Variants in CWH43 observed in about 807,000 individuals in gnomAD.
CWH43 encodes cell wall biogenesis 43 C-terminal homolog, also known as PGAP2-interacting protein.
Under a neutral mutation model 85.7 loss-of-function variants are expected in CWH43, and 91 were observed. The observed-to-expected ratio is 1.06, with a 90% CI of 0.90 to 1.26. The LOEUF is 1.26. Among genes scored for constraint, CWH43 ranks in the 50% most tolerant of loss-of-function variants. The pLI, the probability that CWH43 is intolerant of heterozygous loss-of-function variation, is 0.00. For missense variants in CWH43, 869 were observed against 839.2 expected (o/e 1.04, Z -0.44); for synonymous variants, 323 against 293.6 (o/e 1.10, Z -1.02).
chr4:49,043,965 A>C (rs1382462073), intron 13 of CWH43, among the ~76,000 whole-genome samples: 4 of 152,112 alleles, frequency 2.6e-5, no homozygotes, highest in Admixed American at 6.6e-5. Context: ...AAAATGAAGA[A>C]TTATATAATA....
chr4:49,001,812 G>A (rs560636984), intron 6 of CWH43, among the ~76,000 whole-genome samples: 4 of 152,024 alleles, frequency 2.6e-5, no homozygotes, highest in African/African-American at 7.2e-5. Context: ...TTATTCTAAC[G>A]TCTTTAGATT....
intron 15 of CWH43, among the ~76,000 whole-genome samples, chr4:49,052,457 G>C (rs956028585): frequency 2.0e-5 from 3 of 152,196 alleles, no homozygotes; most frequent in Admixed American, 2.0e-4. Flanking sequence ...TTTAACAGTA[G>C]CTGCAATAGC....
chr4:49,037,323 C>T (rs1038147247), intron 12 of CWH43, among the ~76,000 whole-genome samples: 3 of 152,176 alleles, frequency 2.0e-5, no homozygotes, highest in African/African-American at 7.2e-5. Context: ...GTAATCCCAG[C>T]ACTTTGGGAA....
intron 8 of CWH43, 52 bp downstream of exon 8, chr4:49,007,378 C>T (rs773997932): frequency 1.0e-5 from 15 of 1,452,156 alleles, no homozygotes; most frequent in African/African-American, 5.8e-5. Context: ...AAATTCTAAA[C>T]GTATGAAATT....
intron 2 of CWH43, among the ~76,000 whole-genome samples, chr4:48,990,203 T>G (rs1782616480): frequency 6.6e-6 from 1 of 152,184 alleles, no homozygotes. Flanking sequence ...TTTTGATGCT[T>G]CCTATTCCCT....
At chr4:49,059,568 T>G (rs2109853503) in intron 15 of CWH43, among the ~76,000 whole-genome samples, 1 of 152,350 alleles carries the variant, frequency 6.6e-6, no homozygotes, top group East Asian at 1.9e-4. Context: ...TGGGCATCTC[T>G]TCTAGTCTTT....
chr4:49,048,741 T>A (rs1784708491), intron 14 of CWH43, among the ~76,000 whole-genome samples: 1 of 152,072 alleles, frequency 6.6e-6, no homozygotes, highest in African/African-American at 2.4e-5. Context: ...TAACCTTAAT[T>A]ATTTCCTTAG....
At chr4:48,986,811 G>A in intron 1 of CWH43, 3 of 1,170,696 alleles carry the variant, frequency 2.6e-6, no homozygotes, top group Non-Finnish European at 3.2e-6. Context: ...CCCCCCACCC[G>A]TGGCCTTTAA....
At position 48,986,519 on chromosome 4, in the gene CWH43, G is replaced by C. The variant is rs1314008186; in HGVS notation, c.43+47G>C. 3.2e-6 allele frequency: 5 copies of C among 1,549,342 alleles called. No homozygotes were observed. In the African/African-American group the frequency reaches 6.9e-5, roughly 21 times the overall value. Reference sequence around the variant, plus strand: ...CGAGTTCGCGGGTGCCAGCTCCCCGGGCCATGTCCAGAGCCGTGGAGCCAG... The same window carrying C: ...CGAGTTCGCGGGTGCCAGCTCCCCGCGCCATGTCCAGAGCCGTGGAGCCAG... On this transcript the variant is annotated intron_variant, in intron 1 of 15. Transcript: ENST00000226432.
chr4:49,023,366 A>G (rs1783808883), intron 9 of CWH43, among the ~76,000 whole-genome samples: 1 of 151,930 alleles, frequency 6.6e-6, no homozygotes. Context: ...TTTGAAGTTG[A>G]TTTCCAATTT....
intron 14 of CWH43, among the ~76,000 whole-genome samples, chr4:49,046,046 T>C (rs907250519): frequency 6.6e-6 from 1 of 152,132 alleles, no homozygotes; most frequent in Admixed American, 6.5e-5. Flanking sequence ...ACCACTATTC[T>C]ACTCTCAACT....
At position 49,003,895 on chromosome 4, in the gene CWH43, A is replaced by AT; in HGVS notation, c.967dup (p.Tyr323LeufsTer15). ...GGAAAACCATGACCATTGCCATGAT[A>AT]TTTTATCTTCTAGAAATATTTTTCT... On this transcript the variant is annotated frameshift_variant, in exon 7 of 16. Transcript: ENST00000226432. LOFTEE classifies it high-confidence loss of function. The AT allele has an allele frequency of 1.2e-6, 2 of 1,613,886 alleles. No individual in the cohort carries two copies. Among genetic ancestry groups the AT allele is most frequent in the Non-Finnish European group, 1.7e-6 (2 of 1,179,880 alleles).
In CWH43 at chr4:49,007,255, T is replaced by A. The variant is rs1783188985; in HGVS notation, c.1115T>A (p.Leu372His). 1 of 1,611,884 alleles carries A rather than the reference T, an allele frequency of 6.2e-7. No individual in the cohort carries two copies. Among genetic ancestry groups the A allele is most frequent in the African/African-American group, 1.3e-5 (1 of 74,878 alleles). Residue 372 changes from leucine to histidine, a missense_variant, in exon 8 of 16, where the codon CTT becomes CAT. By Grantham distance (99) the Leu-to-His change is moderately conservative (BLOSUM62 -3). Transcript: ENST00000226432. ...LNMLFGPKKN[L>H]DLLLQTKNSS... ...ATGCTATTTGGTCCTAAGAAAAACC[T>A]TGACTTGCTTCTTCAAACAAAAAAC...
Position 49,029,512 on chromosome 4 carries a change from C to T in CWH43, c.1372+778C>T, listed in dbSNP as rs374945590. On this transcript the variant is annotated intron_variant, in intron 10 of 15. Coordinates refer to ENST00000226432, the MANE Select transcript of CWH43 (RefSeq NM_025087.3). ...GGAAAGACCTGACTGTCCCCCAGCC[C>T]GGCACCCGTAAAGGGTCTGTGCTGA... Among the ~76,000 whole-genome samples the T allele has an allele frequency of 1.1e-3, 169 of 152,262 alleles. 6 individuals are homozygous for T. The South Asian group carries it at 0.033, about 30-fold the overall frequency.
At chr4:49,028,230 T>G (rs1420376707) in intron 9 of CWH43, among the ~76,000 whole-genome samples, 1 of 152,190 alleles carries the variant, frequency 6.6e-6, no homozygotes, top group East Asian at 1.9e-4. Context: ...AAAATCATCT[T>G]TCTGAGATTC....
In CWH43 at chr4:49,061,981, C is replaced by T. The variant is rs1785176449; in HGVS notation, c.*91C>T. 9.9e-7 allele frequency: 1 copy of T among 1,009,674 alleles called. No homozygotes were observed. The highest frequency in any genetic ancestry group is 4.3e-5 in the Admixed American group (1 of 23,374). 62.5% of individuals were successfully genotyped at this position (1,009,674 alleles called of 1,614,324 possible). A position where few individuals can be genotyped will look rare whatever the true frequency, so the allele number is the denominator to read the frequency against. On this transcript the variant is annotated 3_prime_UTR_variant, in exon 16 of 16. Transcript: ENST00000226432. The stretch of plus-strand genomic sequence containing the variant: ...AGAGATTAATGAAAGTGGGAAAATA[C>T]ACATGAAGAACCTCAACTTAAAAAA...
At position 49,059,253 on chromosome 4, in the gene CWH43, T is replaced by A. The variant is rs185241176; in HGVS notation, c.2022-2559T>A. Among the ~76,000 whole-genome samples the A allele has an allele frequency of 7.9e-4, 120 of 152,286 alleles. 1 individual carries two copies. Among genetic ancestry groups the A allele is most frequent in the Middle Eastern group, 6.8e-3 (2 of 294 alleles). ...TCTGCTGTTGAATCTCTTTATTGAATTTTTCAGTTTAGTTATGATGTTCCT... is the reference window on the plus strand; with the variant it reads ...TCTGCTGTTGAATCTCTTTATTGAAATTTTCAGTTTAGTTATGATGTTCCT... On this transcript the variant is annotated intron_variant, in intron 15 of 15. Transcript: ENST00000226432.
At chr4:49,040,985 A>C (rs191780504) in intron 13 of CWH43, among the ~76,000 whole-genome samples, 5 of 152,306 alleles carry the variant, frequency 3.3e-5, no homozygotes, top group African/African-American at 9.6e-5. Flanking sequence ...TCCCAGCACC[A>C]TTTATTAAAC....
chr4:49,037,906 A>G, intron 12 of CWH43, 130 bp from the exon 13 acceptor site: 1 of 688,466 alleles, frequency 1.5e-6, no homozygotes, highest in Non-Finnish European at 2.5e-6. Flanking sequence ...ATGTTAAGAC[A>G]GTTGCCCGAG....
Sources: allele counts gnomAD v4.1 joint callset (sites outside exome capture counted in the v4.1 genomes callset), GRCh38; gene constraint gnomAD v4.1.1; transcripts MANE v1.5; gene names NCBI Gene and HGNC (gene_info 2026-07-23, HGNC 2026-07-21).